The following MPV17 variants were observed in gnomAD, a reference collection of about 807,000 sequenced individuals.
The protein encoded by MPV17 is MPV17, mitochondrial inner membrane protein.
MPV17 carries 31 observed loss-of-function variants against 28.6 expected under a neutral mutation model. The observed-to-expected ratio is 1.08, with a 90% CI of 0.81 to 1.46. The LOEUF (loss-of-function observed/expected upper bound fraction) is 1.46, where lower values mean the gene tolerates loss of function less well. Ranked by LOEUF, MPV17 falls within the 40% of genes most tolerant of loss-of-function variation. MPV17 has a pLI of 0.00. For synonymous variants in MPV17, 87 were observed against 85.3 expected (o/e 1.02, Z -0.11); for missense variants, 198 against 216.2 (o/e 0.92, Z 0.53).
chr2:27,319,358 CA>C (rs1403839571), intron 2 of MPV17, among the ~76,000 whole-genome samples: 2 of 150,062 alleles, frequency 1.3e-5, no homozygotes, highest in Admixed American at 1.3e-4. Flanking sequence ...CCATCTCTAC[CA>C]AAAAACAAAA....
At chr2:27,310,543 TCACAGAAAGGGCCCCTATCTGGGCCC>T in intron 7 of MPV17, among the ~76,000 whole-genome samples, 1 of 152,306 alleles carries the variant, frequency 6.6e-6, no homozygotes, top group African/African-American at 2.4e-5. Context: ...GCTCTGTTAA[TCACAGAAAGGGCCCCTATCTGGGCCC>T]CTTCTAAGTT....
intron 3 of MPV17, 47 bp from the exon 4 acceptor site, chr2:27,312,819 AGGCCTCT>A: frequency 6.3e-7 from 1 of 1,588,040 alleles, no homozygotes; most frequent in Non-Finnish European, 8.6e-7. Context: ...AGGGAGCCCT[AGGCCTCT>A]ACCTCACTAA....
In MPV17 at chr2:27,322,522, C is replaced by T; in HGVS notation, c.-5G>A. The stretch of plus-strand genomic sequence containing the variant: ...GTATGCCCGCCAGAGTGCCATGCTT[C>T]CTGTCAAGCCAAGAGGAGAGGGGGT... On this transcript the variant is annotated splice_region_variant and 5_prime_UTR_variant, in exon 2 of 8. Coordinates refer to ENST00000380044, the MANE Select transcript of MPV17 (RefSeq NM_002437.5). 1 of 1,613,896 alleles carries T rather than the reference C, an allele frequency of 6.2e-7. No homozygotes were observed. Among genetic ancestry groups the T allele is most frequent in the South Asian group, 1.1e-5 (1 of 91,088 alleles).
intron 2 of MPV17, 182 bp from the exon 3 acceptor site, chr2:27,313,291 G>A (rs1198233372): frequency 1.1e-5 from 15 of 1,365,690 alleles, no homozygotes; most frequent in South Asian, 2.7e-5. Flanking sequence ...CAATGATGGT[G>A]ACACCTCATG....
chr2:27,322,489 G>A lies in MPV17; in HGVS notation c.29C>T (p.Ala10Val). 1 of 1,614,020 alleles carries A rather than the reference G, an allele frequency of 6.2e-7. No homozygotes were observed. The highest frequency in any genetic ancestry group is 8.5e-7 in the Non-Finnish European group (1 of 1,180,024). ...TACTTTCCACGGGTGAGCGGCCAGG[G>A]CCCGCTGGTATGCCCGCCAGAGTGC... MALWRAYQR[A>V]LAAHPWKVQV... The change falls in exon 2 of 8, where the codon GCC (alanine) becomes GTC (valine). Residue 10 changes from alanine (A) to valine (V), a missense_variant. Coordinates refer to ENST00000380044, the MANE Select transcript of MPV17 (RefSeq NM_002437.5).
intron 5 of MPV17, 84 bp downstream of exon 5, chr2:27,312,409 CT>C: frequency 7.3e-6 from 11 of 1,510,000 alleles, no homozygotes; most frequent in Non-Finnish European, 1.0e-5. Flanking sequence ...CACTTACCCC[CT>C]TTTTTATCCC....
At chr2:27,312,620 G>C (rs568059620) in intron 4 of MPV17, 31 bp from the exon 5 acceptor site, 1 of 1,613,058 alleles carries the variant, frequency 6.2e-7, no homozygotes, top group African/African-American at 1.3e-5. Context: ...TCCTATGAGT[G>C]CTGAAATCCC....
intron 7 of MPV17, chr2:27,311,450 C>G (rs1679436405): frequency 2.5e-6 from 2 of 811,658 alleles, no homozygotes; most frequent in South Asian, 3.6e-5. Context: ...TCCCACGATC[C>G]TTCACCTTCA....
chr2:27,316,044 T>C, intron 2 of MPV17: 1 of 1,549,072 alleles, frequency 6.5e-7, no homozygotes, highest in Non-Finnish European at 8.7e-7. Flanking sequence ...CCCTGCTGGG[T>C]GTTCCTGCCC....
chr2:27,316,777 C>A, intron 2 of MPV17: 1 of 320,638 alleles, frequency 3.1e-6, no homozygotes, highest in Non-Finnish European at 5.7e-6. Flanking sequence ...ACATAATGGC[C>A]AGAGGCCTGA....
chr2:27,316,008 G>A (rs1679636311), intron 2 of MPV17: 2 of 1,540,598 alleles, frequency 1.3e-6, no homozygotes, highest in Admixed American at 4.0e-5. Context: ...GAGGTCAGTG[G>A]CACCAGGAGG....
At chr2:27,319,920 T>C (rs1679792561) in intron 2 of MPV17, among the ~76,000 whole-genome samples, 1 of 131,548 alleles carries the variant, frequency 7.6e-6, no homozygotes, top group Non-Finnish European at 1.6e-5. Context: ...GGTGACACCT[T>C]ATCTCAAAAA....
At chr2:27,316,433 T>A (rs1679655307) in intron 2 of MPV17, among the ~76,000 whole-genome samples, 1 of 152,070 alleles carries the variant, frequency 6.6e-6, no homozygotes, top group East Asian at 1.9e-4. Context: ...CTGCAGTCCC[T>A]GACGGTTCAT....
intron 2 of MPV17, chr2:27,313,493 T>C (rs1398674622): frequency 8.6e-6 from 4 of 467,812 alleles, no homozygotes; most frequent in African/African-American, 5.9e-5. Flanking sequence ...TTTAGAGGTA[T>C]GGAAATGAAG....
At chr2:27,315,051 G>A (rs1171048938) in intron 2 of MPV17, among the ~76,000 whole-genome samples, 4 of 152,216 alleles carry the variant, frequency 2.6e-5, no homozygotes, top group African/African-American at 9.6e-5. Flanking sequence ...CTCCCAAAGT[G>A]GTGGGGGTCT....
Position 27,310,546 on chromosome 2 carries a change from CAGAA to C in MPV17, c.462-569_462-566del, listed in dbSNP as rs1297652733. Among the ~76,000 whole-genome samples, 3 of 152,362 alleles carry C rather than the reference CAGAA, an allele frequency of 2.0e-5. No individual in the cohort carries two copies. The South Asian group carries it at 6.2e-4, about 32-fold the overall frequency. On this transcript the variant is annotated intron_variant, in intron 7 of 7. Transcript: ENST00000380044. ...TTGCCATGCATAGCTCTGTTAATCA[CAGAA>C]AGGGCCCCTATCTGGGCCCCTTCTA... is the stretch of plus-strand genomic sequence containing the variant.
intron 2 of MPV17, among the ~76,000 whole-genome samples, chr2:27,319,290 C>T (rs1435619031): frequency 7.9e-5 from 12 of 151,440 alleles, no homozygotes; most frequent in Non-Finnish European, 1.8e-4. Flanking sequence ...GCAAGTGGAA[C>T]AAACCTAACC....
At chr2:27,320,019 CG>C (rs1679799435) in intron 2 of MPV17, among the ~76,000 whole-genome samples, 1 of 148,636 alleles carries the variant, frequency 6.7e-6, no homozygotes, top group South Asian at 2.1e-4. Flanking sequence ...GGGTGAATCA[CG>C]AGGTCAAGTG....
chr2:27,312,821 G>T, intron 3 of MPV17, 49 bp from the exon 4 acceptor site: 1 of 1,584,502 alleles, frequency 6.3e-7, no homozygotes, highest in Non-Finnish European at 8.7e-7. Flanking sequence ...GGAGCCCTAG[G>T]CCTCTACCTC....
Sources: allele counts gnomAD v4.1 joint callset (sites outside exome capture counted in the v4.1 genomes callset), GRCh38; gene constraint gnomAD v4.1.1; transcripts MANE v1.5; gene names NCBI Gene and HGNC (gene_info 2026-07-23, HGNC 2026-07-21).